The following IL1RAPL1 variants were observed in gnomAD, a reference collection of about 807,000 sequenced individuals.
IL1RAPL1 encodes interleukin 1 receptor accessory protein like 1.
IL1RAPL1 carries 3 observed loss-of-function variants against 48.4 expected under a neutral mutation model. That is an observed-to-expected ratio of 0.06 (90% confidence interval 0.03 to 0.16). IL1RAPL1 has a LOEUF of 0.16. Ranked by LOEUF, IL1RAPL1 falls within the 10% of genes least tolerant of loss-of-function variation. The pLI, the probability that IL1RAPL1 is intolerant of heterozygous loss-of-function variation, is 1.00. For synonymous variants in IL1RAPL1, 185 were observed against 187.7 expected, an observed-to-expected ratio of 0.99 and a Z score of 0.12; for missense variants, 349 against 530.6, an observed-to-expected ratio of 0.66 and a Z score of 3.36.
intron 9 of IL1RAPL1, among the ~76,000 whole-genome samples, chrX:29,944,647 G>A (rs1933185176): frequency 9.0e-6 from 1 of 111,473 alleles, no homozygotes; most frequent in Non-Finnish European, 1.9e-5. Context: ...GTTGAAAATT[G>A]GAATATTCCA....
intron 6 of IL1RAPL1, among the ~76,000 whole-genome samples, chrX:29,771,252 C>T (rs1929059123): frequency 8.9e-6 from 1 of 112,119 alleles, no homozygotes; most frequent in African/African-American, 3.2e-5. Context: ...ACTCAGTTTC[C>T]TTTCAACAAT....
chrX:29,110,925 C>T (rs1928551804), intron 2 of IL1RAPL1, among the ~76,000 whole-genome samples: 1 of 111,046 alleles, frequency 9.0e-6, no homozygotes, highest in African/African-American at 3.3e-5. Flanking sequence ...AATCCTCCTG[C>T]ATCCCATAGA....
chrX:29,288,506 C>A (rs764084269), intron 3 of IL1RAPL1, among the ~76,000 whole-genome samples: 2 of 112,246 alleles, frequency 1.8e-5, no homozygotes, highest in East Asian at 5.6e-4. Context: ...TTCTTTATGG[C>A]AGCATAGTAT....
intron 6 of IL1RAPL1, among the ~76,000 whole-genome samples, chrX:29,679,735 A>G (rs7886284): frequency 0.041 from 4,545 of 111,889 alleles, 221 homozygotes; most frequent in African/African-American, 0.14. Context: ...CAGAGTGAGA[A>G]TAAGGTTTTT....
At chrX:28,756,901 A>G (rs1222623504) in intron 1 of IL1RAPL1, among the ~76,000 whole-genome samples, 1 of 111,535 alleles carries the variant, frequency 9.0e-6, no homozygotes, top group Non-Finnish European at 1.9e-5. Flanking sequence ...CTCTTGAGTT[A>G]GAACAACCCT....
intron 6 of IL1RAPL1, among the ~76,000 whole-genome samples, chrX:29,792,171 C>G (rs1188964181): frequency 9.0e-6 from 1 of 111,635 alleles, no homozygotes; most frequent in Non-Finnish European, 1.9e-5. Flanking sequence ...TCCCAGTAAA[C>G]TTAATTTTGG....
chrX:29,683,339 G>A (rs6630931), intron 6 of IL1RAPL1, among the ~76,000 whole-genome samples: 39,975 of 110,918 alleles, frequency 0.36, 5,255 homozygotes, highest in South Asian at 0.49. Context: ...AAGACGCCAA[G>A]ACTTCCTGTC....
intron 2 of IL1RAPL1, among the ~76,000 whole-genome samples, chrX:29,106,005 C>A (rs1268453447): frequency 2.7e-5 from 3 of 112,344 alleles, no homozygotes; most frequent in African/African-American, 9.7e-5. Flanking sequence ...AGATATAATT[C>A]TTCCATCAAC....
At chrX:29,077,333 G>A (rs1927699809) in intron 2 of IL1RAPL1, among the ~76,000 whole-genome samples, 2 of 111,395 alleles carry the variant, frequency 1.8e-5, no homozygotes, top group Non-Finnish European at 3.8e-5. Context: ...GGCCAGGCAC[G>A]GTGGCTCACG....
intron 2 of IL1RAPL1, among the ~76,000 whole-genome samples, chrX:28,832,507 G>T (rs920853334): frequency 9.0e-6 from 1 of 110,631 alleles, no homozygotes; most frequent in African/African-American, 3.3e-5. Flanking sequence ...TTAAACATTT[G>T]TTGTCATTTA....
intron 5 of IL1RAPL1, among the ~76,000 whole-genome samples, chrX:29,654,109 T>C (rs971652275): frequency 5.5e-5 from 6 of 109,510 alleles, no homozygotes; most frequent in Admixed American, 2.9e-4. Flanking sequence ...TCTGGAGGTT[T>C]TTTTTAAAAG....
chrX:29,293,436 A>G (rs1252816534), intron 3 of IL1RAPL1, among the ~76,000 whole-genome samples: 1 of 111,438 alleles, frequency 9.0e-6, no homozygotes, highest in Non-Finnish European at 1.9e-5. Context: ...CAATTGTGTC[A>G]TGTTCAAGGC....
intron 6 of IL1RAPL1, among the ~76,000 whole-genome samples, chrX:29,878,871 C>A (rs1931964818): frequency 9.0e-6 from 1 of 111,256 alleles, no homozygotes; most frequent in Admixed American, 9.6e-5. Context: ...ATACACTTAC[C>A]ATATGACCCA....
intron 2 of IL1RAPL1, among the ~76,000 whole-genome samples, chrX:28,911,472 C>T (rs758787832): frequency 9.0e-6 from 1 of 110,999 alleles, no homozygotes; most frequent in East Asian, 2.8e-4. Context: ...ATTCCACTTC[C>T]CCCATTGTAT....
chrX:29,874,316 GA>G (rs763018149), intron 6 of IL1RAPL1, among the ~76,000 whole-genome samples: 4,361 of 110,833 alleles, frequency 0.039, 132 homozygotes, highest in African/African-American at 0.11. Flanking sequence ...GGGTTTTATG[GA>G]AAAAAAATGC....
chrX:29,703,187 A>G (rs1035725450), intron 6 of IL1RAPL1, among the ~76,000 whole-genome samples: 3 of 111,829 alleles, frequency 2.7e-5, no homozygotes, highest in African/African-American at 9.7e-5. Flanking sequence ...TGTGTTCAAC[A>G]TTTTAACTAT....
At chrX:29,850,293 T>A (rs886927767) in intron 6 of IL1RAPL1, among the ~76,000 whole-genome samples, 2 of 112,120 alleles carry the variant, frequency 1.8e-5, no homozygotes, top group African/African-American at 6.5e-5. Flanking sequence ...TAGCACTTTC[T>A]TGTCATAGCC....
At chrX:29,854,057 A>G (rs1931430575) in intron 6 of IL1RAPL1, among the ~76,000 whole-genome samples, 1 of 111,927 alleles carries the variant, frequency 8.9e-6, no homozygotes, top group African/African-American at 3.2e-5. Context: ...CCCCTCTCTC[A>G]TTCTCCTTCC....
At chrX:29,577,888 G>A (rs191263623) in intron 5 of IL1RAPL1, among the ~76,000 whole-genome samples, 1 of 111,088 alleles carries the variant, frequency 9.0e-6, no homozygotes, top group Admixed American at 9.6e-5. Flanking sequence ...AATCTCTCAT[G>A]CTTTTGTATC....
Sources: gnomAD v4.1 joint callset for allele counts (sites outside exome capture counted in the v4.1 genomes callset) on GRCh38, gnomAD v4.1.1 for gene constraint, MANE v1.5 for transcripts, NCBI Gene and HGNC (gene_info 2026-07-23, HGNC 2026-07-21) for gene names.